Variants in MATN2 observed in about 807,000 individuals in gnomAD.
MATN2 encodes the protein matrilin-2.
A neutral mutation model predicts 103.2 loss-of-function variants in MATN2; 69 were observed. The observed-to-expected ratio is 0.67, with a 90% confidence interval of 0.55 to 0.82. The LOEUF (loss-of-function observed/expected upper bound fraction) is 0.82. MATN2 is among the 40% of genes least tolerant of loss of function. The pLI, the probability that MATN2 is intolerant of heterozygous loss-of-function variation, is 0.00. For missense variants in MATN2, 1,023 were observed against 1,211.5 expected (o/e 0.84, Z 2.31); for synonymous variants, 429 against 450.2 (o/e 0.95, Z 0.60).
At chr8:97,917,810 C>T (rs113684445) in intron 2 of MATN2, among the ~76,000 whole-genome samples, 2,551 of 152,258 alleles carry the variant, frequency 0.017, 84 homozygotes, top group African/African-American at 0.059. Context: ...CTAGGCCGGG[C>T]ATGGTGGCTC....
chr8:97,988,949 T>C (rs1812294184), intron 6 of MATN2, among the ~76,000 whole-genome samples: 1 of 152,166 alleles, frequency 6.6e-6, no homozygotes, highest in African/African-American at 2.4e-5. Context: ...TTAAACAGTT[T>C]CTAGCAATCA....
intron 13 of MATN2, among the ~76,000 whole-genome samples, chr8:98,023,507 C>CAAAATTTAGA (rs1197629298): frequency 2.0e-5 from 3 of 151,886 alleles, no homozygotes; most frequent in African/African-American, 4.8e-5. Context: ...CCTGTCTCTA[C>CAAAATTTAGA]AAAAATTAGA....
In MATN2 at chr8:98,032,850, G is replaced by T. The variant is rs28550976; in HGVS notation, c.2582-192G>T. Among the ~76,000 whole-genome samples the T allele has an allele frequency of 3.2e-3, 484 of 151,230 alleles. 4 individuals carry two copies. Among genetic ancestry groups the T allele is most frequent in the African/African-American group, 0.01 (415 of 40,814 alleles). ...CCCGGCTGTTTTTGTTTTGTTTTTT[G>T]TTGTTGTTGTTTTTTGTTTTTTTAA... is the stretch of plus-strand genomic sequence containing the variant. On this transcript the variant is annotated intron_variant, in intron 16 of 18. Coordinates refer to ENST00000254898, the MANE Select transcript of MATN2 (RefSeq NM_002380.5).
chr8:97,945,705 GAA>G (rs71303437), intron 4 of MATN2, among the ~76,000 whole-genome samples: 4 of 119,842 alleles, frequency 3.3e-5, no homozygotes, highest in African/African-American at 9.4e-5. Flanking sequence ...ACACACTATA[GAA>G]AAAAAAAAAA....
intron 11 of MATN2, among the ~76,000 whole-genome samples, chr8:98,017,554 C>CTCATTTTTTGGACA (rs1257525583): frequency 6.6e-6 from 1 of 152,202 alleles, no homozygotes; most frequent in Admixed American, 6.5e-5. Context: ...TAATTACTCT[C>CTCATTTTTTGGACA]TCATTTTTTG....
At chr8:97,945,230 C>G (rs570041308) in intron 4 of MATN2, among the ~76,000 whole-genome samples, 24 of 152,306 alleles carry the variant, frequency 1.6e-4, no homozygotes, top group African/African-American at 5.3e-4. Context: ...AGGTGTTTAC[C>G]ATGTGCCAGG....
At chr8:97,951,659 G>T (rs1334694737) in intron 4 of MATN2, among the ~76,000 whole-genome samples, 1 of 152,146 alleles carries the variant, frequency 6.6e-6, no homozygotes, top group Non-Finnish European at 1.5e-5. Context: ...CCACTCAAAA[G>T]GGGGTTTATA....
chr8:97,974,866 A>G (rs1811780931), intron 5 of MATN2, among the ~76,000 whole-genome samples: 2 of 152,232 alleles, frequency 1.3e-5, no homozygotes, highest in Admixed American at 6.5e-5. Flanking sequence ...CGTGCCTCAG[A>G]ATCACCTGGA....
chr8:97,952,916 ATTTTTTTTTT>A (rs71570276), intron 4 of MATN2, among the ~76,000 whole-genome samples: 32 of 96,140 alleles, frequency 3.3e-4, no homozygotes, highest in African/African-American at 1.1e-3. Context: ...GTTTGTAGGG[ATTTTTTTTTT>A]TTTTTTTTTT....
At chr8:98,023,087 CAAAAT>C (rs1411467484) in intron 13 of MATN2, among the ~76,000 whole-genome samples, 2 of 151,930 alleles carry the variant, frequency 1.3e-5, no homozygotes, top group Admixed American at 6.6e-5. Flanking sequence ...GACTCCGTCT[CAAAAT>C]AAATAAATAA....
At chr8:97,920,208 A>G (rs1466508616) in intron 2 of MATN2, among the ~76,000 whole-genome samples, 1 of 152,082 alleles carries the variant, frequency 6.6e-6, no homozygotes, top group Non-Finnish European at 1.5e-5. Flanking sequence ...TTATGTATGT[A>G]TGTATGTATT....
intron 2 of MATN2, among the ~76,000 whole-genome samples, chr8:97,892,941 G>A (rs1818679970): frequency 6.6e-6 from 1 of 152,192 alleles, no homozygotes; most frequent in South Asian, 2.1e-4. Context: ...AGGATGGAGT[G>A]TGGCAGTGGG....
chr8:97,871,138 A>G (rs1273886450), intron 1 of MATN2, among the ~76,000 whole-genome samples: 1 of 152,184 alleles, frequency 6.6e-6, no homozygotes, highest in Admixed American at 6.5e-5. Flanking sequence ...AGCGAGTGCC[A>G]TATGTCCTTG....
At chr8:97,894,321 ACCT>A (rs1490033795) in intron 2 of MATN2, among the ~76,000 whole-genome samples, 2 of 103,132 alleles carry the variant, frequency 1.9e-5, no homozygotes, top group Admixed American at 1.3e-4. Flanking sequence ...CTAAGAATTC[ACCT>A]TTTTTTTTTT....
rs761028616 is a variant in MATN2 at position 97,931,065 on chromosome 8, A to G, written c.255A>G (p.Gln85=). ...AGGAGTTCATCGTGGACATCTTGCA[A>G]TTCTTGGACATTGGTCCTGATGTCA... is the stretch of plus-strand genomic sequence containing the variant. ...KVKEFIVDIL[Q]FLDIGPDVTR... is the part of the protein sequence containing the mutation. Residue 85 remains glutamine, a synonymous_variant, in exon 3 of 19, where the codon CAA becomes CAG. Transcript: ENST00000254898. The surrounding 1 kb of genome is among the most constrained non-coding windows in gnomAD (Gnocchi z 4.1). 14 of 1,613,874 alleles carry G rather than the reference A, an allele frequency of 8.7e-6. No individual in the cohort carries two copies. Among genetic ancestry groups the G allele is most frequent in the African/African-American group, 2.7e-5 (2 of 74,912 alleles).
At chr8:97,964,605 A>G (rs938224371) in intron 5 of MATN2, among the ~76,000 whole-genome samples, 1 of 151,030 alleles carries the variant, frequency 6.6e-6, no homozygotes, top group Non-Finnish European at 1.5e-5. Flanking sequence ...TGCCCAGCTA[A>G]TTTATTTTTT....
intron 1 of MATN2, among the ~76,000 whole-genome samples, chr8:97,885,883 C>T (rs1044573287): frequency 4.6e-5 from 7 of 152,186 alleles, no homozygotes; most frequent in African/African-American, 1.7e-4. Flanking sequence ...CCAACCCCCA[C>T]CCGGAATTAG....
At chr8:98,020,093 GT>G (rs1813528985) in intron 12 of MATN2, among the ~76,000 whole-genome samples, 1 of 152,152 alleles carries the variant, frequency 6.6e-6, no homozygotes, top group Non-Finnish European at 1.5e-5. Flanking sequence ...TGGAGATTTT[GT>G]CTATAATTCT....
At chr8:97,901,327 A>G (rs1009337926) in intron 2 of MATN2, among the ~76,000 whole-genome samples, 1 of 151,182 alleles carries the variant, frequency 6.6e-6, no homozygotes, top group African/African-American at 2.4e-5. Flanking sequence ...TTCTGGGTTC[A>G]CTGTAACCTC....
Sources: allele counts gnomAD v4.1 joint callset (sites outside exome capture counted in the v4.1 genomes callset), GRCh38; gene constraint gnomAD v4.1.1; non-coding constraint Gnocchi (gnomAD v3.1); transcripts MANE v1.5; gene names NCBI Gene and HGNC (gene_info 2026-07-23, HGNC 2026-07-21).